The following COL11A1 variants were observed in gnomAD, a reference collection of about 807,000 sequenced individuals.
COL11A1 encodes collagen type XI alpha 1 chain.
A neutral mutation model predicts 265.2 loss-of-function variants in COL11A1; 74 were observed. That is an observed-to-expected ratio of 0.28 (90% CI 0.23 to 0.34). The LOEUF (loss-of-function observed/expected upper bound fraction) is 0.34, where lower values mean the gene tolerates loss of function less well. COL11A1 is among the 10% of genes least tolerant of loss of function. The pLI, the probability that COL11A1 is intolerant of heterozygous loss-of-function variation, is 1.00. For synonymous variants in COL11A1, 816 were observed against 727.6 expected, an observed-to-expected ratio of 1.12 and a Z score of -1.96; for missense variants, 2,165 against 2,263.6, an observed-to-expected ratio of 0.96 and a Z score of 0.88.
chr1:103,016,339 C>G (rs1666569153), intron 11 of COL11A1, among the ~76,000 whole-genome samples: 1 of 151,786 alleles, frequency 6.6e-6, no homozygotes, highest in Non-Finnish European at 1.5e-5. Flanking sequence ...ATTAAATATA[C>G]TCAGTGTATG....
chr1:102,913,491 G>T, intron 53 of COL11A1, 146 bp downstream of exon 53: 1 of 683,854 alleles, frequency 1.5e-6, no homozygotes, highest in Non-Finnish European at 2.6e-6. Flanking sequence ...TTTTTAATGG[G>T]AATTCAAAAA....
chr1:102,998,063 T>C (rs559112307), intron 25 of COL11A1, among the ~76,000 whole-genome samples: 1 of 151,910 alleles, frequency 6.6e-6, no homozygotes, highest in African/African-American at 2.4e-5. Flanking sequence ...TGAAAAAAAA[T>C]ATGAGATTCT....
chr1:102,886,767 G>T, intron 63 of COL11A1, 40 bp downstream of exon 63: 1 of 1,613,356 alleles, frequency 6.2e-7, no homozygotes, highest in South Asian at 1.1e-5. Context: ...AGAAACTCAG[G>T]GGCTCGGTAC....
chr1:102,969,309 T>C (rs1465638302), intron 37 of COL11A1, among the ~76,000 whole-genome samples: 1 of 152,204 alleles, frequency 6.6e-6, no homozygotes, highest in Admixed American at 6.5e-5. Flanking sequence ...AGATTTATTA[T>C]AGTACATTGC....
At chr1:102,894,645 T>C (rs1652182028) in intron 57 of COL11A1, among the ~76,000 whole-genome samples, 1 of 152,120 alleles carries the variant, frequency 6.6e-6, no homozygotes, top group African/African-American at 2.4e-5. Flanking sequence ...TTAAAAATCC[T>C]TTAAGAAACC....
intron 37 of COL11A1, among the ~76,000 whole-genome samples, chr1:102,966,897 A>G (rs371824983): frequency 4.6e-5 from 7 of 152,170 alleles, no homozygotes; most frequent in African/African-American, 1.7e-4. Flanking sequence ...TTCCAGTTGT[A>G]TATCATGCTC....
chr1:103,081,938 T>C (rs1168142528), intron 2 of COL11A1, among the ~76,000 whole-genome samples: 1 of 151,888 alleles, frequency 6.6e-6, no homozygotes, highest in Non-Finnish European at 1.5e-5. Flanking sequence ...CTCTGTTAAA[T>C]AAGGATGAGA....
intron 4 of COL11A1, among the ~76,000 whole-genome samples, chr1:103,071,467 CTTTTT>C (rs869263393): frequency 0.038 from 1,865 of 49,292 alleles, 4 homozygotes; most frequent in Middle Eastern, 0.091. Flanking sequence ...GTTGGTAGGA[CTTTTT>C]TTTTTTTTTT....
At chr1:103,083,874 T>C (rs569892119) in intron 1 of COL11A1, among the ~76,000 whole-genome samples, 1 of 152,288 alleles carries the variant, frequency 6.6e-6, no homozygotes, top group African/African-American at 2.4e-5. Context: ...AGTGGAAGCA[T>C]AAATTTCCCA....
intron 35 of COL11A1, among the ~76,000 whole-genome samples, chr1:102,978,258 G>A (rs1662695250): frequency 6.6e-6 from 1 of 151,966 alleles, no homozygotes; most frequent in African/African-American, 2.4e-5. Flanking sequence ...CTATTTACTG[G>A]AATAGATGTT....
intron 5 of COL11A1, among the ~76,000 whole-genome samples, chr1:103,030,469 T>A (rs1667889448): frequency 6.6e-6 from 1 of 151,912 alleles, no homozygotes; most frequent in African/African-American, 2.4e-5. Context: ...GGAAGAAAAA[T>A]ACTACCTGAT....
chr1:103,037,956 A>G (rs1461799074), intron 4 of COL11A1, among the ~76,000 whole-genome samples: 2 of 152,100 alleles, frequency 1.3e-5, no homozygotes, highest in African/African-American at 4.8e-5. Context: ...CTAGATTCCA[A>G]ATTTCTTATA....
Position 102,913,989 on chromosome 1 carries a change from A to T in COL11A1, c.3979-299T>A, listed in dbSNP as rs992100. On this transcript the variant is annotated intron_variant, in intron 52 of 66. Coordinates refer to ENST00000370096, the MANE Select transcript of COL11A1 (RefSeq NM_001854.4). Reference sequence around the variant, plus strand: ...TCAGTGAATCATTTCACCATGAACAAATATGGTATAGTTTGAAATAGGATT... The same window carrying T: ...TCAGTGAATCATTTCACCATGAACATATATGGTATAGTTTGAAATAGGATT... Among the ~76,000 whole-genome samples the T allele has an allele frequency of 0.092, 13,968 of 152,236 alleles. 748 individuals carry two copies. The highest frequency in any genetic ancestry group is 0.13 in the Middle Eastern group (37 of 294).
intron 46 of COL11A1, among the ~76,000 whole-genome samples, chr1:102,928,194 C>T (rs969222956): frequency 1.0e-4 from 15 of 149,962 alleles, no homozygotes; most frequent in Admixed American, 4.7e-4. Context: ...TGGTGTGCTG[C>T]ACCCACTAAC....
intron 4 of COL11A1, among the ~76,000 whole-genome samples, chr1:103,036,684 A>C (rs1005686171): frequency 6.6e-6 from 1 of 152,048 alleles, no homozygotes; most frequent in African/African-American, 2.4e-5. Context: ...TCTGTAAACA[A>C]GCTCATTGTT....
At chr1:103,006,526 A>ATTT (rs4013849) in intron 15 of COL11A1, among the ~76,000 whole-genome samples, 23,859 of 81,482 alleles carry the variant, frequency 0.29, 7,414 homozygotes, top group East Asian at 0.54. Context: ...AAATGGCTCC[A>ATTT]TTTTTTTTTT....
intron 41 of COL11A1, among the ~76,000 whole-genome samples, chr1:102,954,992 A>T (rs1441675838): frequency 1.3e-5 from 2 of 152,218 alleles, no homozygotes; most frequent in Admixed American, 1.3e-4. Flanking sequence ...ATAGACTCTG[A>T]TGATCAAAGT....
At chr1:103,061,409 T>A (rs928788759) in intron 4 of COL11A1, among the ~76,000 whole-genome samples, 1 of 152,086 alleles carries the variant, frequency 6.6e-6, no homozygotes, top group African/African-American at 2.4e-5. Flanking sequence ...ATAATTTTCA[T>A]ATATATACTC....
At chr1:102,994,108 C>T (rs1016673672) in intron 28 of COL11A1, among the ~76,000 whole-genome samples, 5 of 152,042 alleles carry the variant, frequency 3.3e-5, no homozygotes, top group African/African-American at 1.2e-4. Context: ...ATAATAAATC[C>T]ATCCCTTTTT....
Sources: gnomAD v4.1 joint callset for allele counts (sites outside exome capture counted in the v4.1 genomes callset) on GRCh38, gnomAD v4.1.1 for gene constraint, MANE v1.5 for transcripts, NCBI Gene and HGNC (gene_info 2026-07-23, HGNC 2026-07-21) for gene names.